Variants in MBD3 observed in about 807,000 individuals in gnomAD.
The protein encoded by MBD3 is methyl-CpG binding domain protein 3.
In MBD3, 13 loss-of-function variants were observed where a neutral mutation model predicts 31.2. The ratio of observed to expected loss-of-function variants is 0.42; its 90% CI spans 0.27 to 0.66. The LOEUF is 0.66. Among genes scored for constraint, MBD3 ranks in the 30% least tolerant of loss-of-function variants. MBD3 has a pLI of 0.26. For missense variants in MBD3, 440 were observed against 426.5 expected (o/e 1.03, Z -0.28); for synonymous variants, 223 against 187.4 (o/e 1.19, Z -1.55).
intron 2 of MBD3, 83 bp downstream of exon 2, chr19:1,584,972 G>T: frequency 6.4e-7 from 1 of 1,567,028 alleles, no homozygotes; most frequent in Non-Finnish European, 8.6e-7. Context: ...ACGCCGGGCT[G>T]TGTCGCCTGC....
chr19:1,580,457 G>A (rs554612422), intron 5 of MBD3, among the ~76,000 whole-genome samples: 6 of 152,232 alleles, frequency 3.9e-5, no homozygotes, highest in African/African-American at 1.2e-4. Flanking sequence ...TTCTGGAACC[G>A]TCAAGTTTCC....
chr19:1,584,989 C>A, intron 2 of MBD3, 66 bp downstream of exon 2: 1 of 1,591,124 alleles, frequency 6.3e-7, no homozygotes, highest in African/African-American at 1.3e-5. Context: ...CTGCAGCTCA[C>A]GTCATGGCCG....
rs572817144 is a variant in MBD3, at chr19:1,578,395, T to C, written c.821A>G (p.Asp274Gly). Residue 274 changes from aspartate to glycine, a missense_variant, in exon 6 of 7, where the codon GAC becomes GGC. Physicochemically the swap from Asp to Gly is moderately conservative, Grantham distance 94. Coordinates refer to ENST00000434436, the MANE Select transcript of MBD3 (RefSeq NM_001281453.2). The surrounding 1 kb of genome is among the most constrained non-coding windows in gnomAD (Gnocchi z 6.1). ...GGGCTCCTCCTCCTCCTCCTCCTCG[T>C]CTTCCTCGTCGTCGTCCTCAGCGCA... is the stretch of plus-strand genomic sequence containing the variant. The part of the protein sequence containing the change: ...KACAEDDDEE[D>G]EEEEEEEPDP... The C allele has an allele frequency of 4.4e-6, 7 of 1,604,098 alleles. No individual in the cohort carries two copies. Among genetic ancestry groups the C allele is most frequent in the East Asian group, 4.5e-5 (2 of 44,862 alleles).
rs1568276389 is a variant in MBD3 at position 1,585,127 on chromosome 19, C to CGT, written c.196_197dup (p.Gly67ArgfsTer5). 2.5e-6 allele frequency: 4 copies of CGT among 1,612,174 alleles called. No homozygotes were observed. ...TCATCTTGCTCATCAGCATCTTGCC[C>CGT]GTGCGGAAGTCGAAGGTGCTCAGGT... On this transcript the variant is annotated frameshift_variant, in exon 2 of 7. Coordinates refer to ENST00000434436, the MANE Select transcript of MBD3 (RefSeq NM_001281453.2). LOFTEE classifies it high-confidence loss of function. The surrounding 1 kb of genome is among the most constrained non-coding windows in gnomAD (Gnocchi z 4.1).
chr19:1,582,061 C>T (rs1490244740), intron 4 of MBD3, among the ~76,000 whole-genome samples: 1 of 152,154 alleles, frequency 6.6e-6, no homozygotes. Context: ...GCCACTGCAC[C>T]TGGCCTTGCT....
chr19:1,581,055 C>T (rs1343194004), intron 5 of MBD3, 37 bp downstream of exon 5: 2 of 1,613,214 alleles, frequency 1.2e-6, no homozygotes, highest in Non-Finnish European at 1.7e-6. Flanking sequence ...CCACAAGAGA[C>T]AGGGTGGAGC....
intron 3 of MBD3, 79 bp from the exon 4 acceptor site, chr19:1,582,791 GC>G: frequency 4.6e-6 from 6 of 1,290,928 alleles, no homozygotes; most frequent in Non-Finnish European, 6.6e-6. Context: ...CTCCAGGGAG[GC>G]CCACCTGGCC....
chr19:1,578,196 C>A lies in MBD3; in HGVS notation c.*6-38G>T. On this transcript the variant is annotated intron_variant, in intron 6 of 6. Coordinates refer to ENST00000434436, the MANE Select transcript of MBD3 (RefSeq NM_001281453.2). The surrounding 1 kb of genome is among the most constrained non-coding windows in gnomAD (Gnocchi z 6.1). The stretch of plus-strand genomic sequence containing the variant: ...GGGAGGGCTGGCTTTAGCGACTCCA[C>A]GGGACGGGGACGCTTGGGCTCTTCT... The A allele has an allele frequency of 3.0e-6, 4 of 1,352,220 alleles. No homozygotes were observed. The highest frequency in any genetic ancestry group is 2.6e-5 in the South Asian group (2 of 76,614). The allele number at this position is 1,352,220 out of a possible 1,614,324, so 83.8% of individuals were successfully genotyped here.
At position 1,574,780 on chromosome 19, in the gene MBD3, G is replaced by A. The variant is rs143733672; in HGVS notation, c.*3384C>T. On this transcript the variant is annotated 3_prime_UTR_variant, in exon 7 of 7. Transcript: ENST00000434436. Reference sequence around the variant, plus strand: ...TTCCATGGGCACCTCCGGGCTCCTGGAGATTTGCTGTGACAGCCATGAGGG... The same window carrying A: ...TTCCATGGGCACCTCCGGGCTCCTGAAGATTTGCTGTGACAGCCATGAGGG... The A allele has an allele frequency of 6.3e-6, 1 of 158,226 alleles. No homozygotes were observed. The highest frequency in any genetic ancestry group is 1.4e-5 in the Non-Finnish European group (1 of 71,240). 9.8% of individuals were successfully genotyped at this position (158,226 alleles called of 1,614,324 possible). A position where few individuals can be genotyped will look rare whatever the true frequency, so the allele number is the denominator to read the frequency against.
At chr19:1,591,918 G>C (rs1439722193) in intron 1 of MBD3, 1 of 152,082 alleles carries the variant, frequency 6.6e-6, no homozygotes, top group African/African-American at 2.4e-5. Flanking sequence ...GAAAGCCTCA[G>C]GTCTCCACCC....
chr19:1,585,564 C>CTACA lies in MBD3; in HGVS notation c.111-351_111-350insTGTA. On this transcript the variant is annotated intron_variant, in intron 1 of 6. Coordinates refer to ENST00000434436, the MANE Select transcript of MBD3 (RefSeq NM_001281453.2). The surrounding 1 kb of genome is among the most constrained non-coding windows in gnomAD (Gnocchi z 4.1). ...CCCCCAACCCCGGTCCCCTCTGAAT[C>CTACA]CTCCCCACCGTAGGCCCTGGCAGCG... The CTACA allele has an allele frequency of 2.9e-6, 1 of 339,428 alleles. No homozygotes were observed. Among genetic ancestry groups the CTACA allele is most frequent in the Non-Finnish European group, 5.6e-6 (1 of 178,080 alleles). 21.0% of individuals were successfully genotyped at this position (339,428 alleles called of 1,614,324 possible).
rs2145615982 is a variant in MBD3 at position 1,592,805 on chromosome 19, C to T, written c.-174G>A. The stretch of plus-strand genomic sequence containing the variant: ...AGCCGGGCGCGCGCCGGCTTTGCCG[C>T]CCTTTCGGCCCCCTCCCCGCGCTCG... On this transcript the variant is annotated 5_prime_UTR_variant, in exon 1 of 7. Transcript: ENST00000434436. 6.8e-6 allele frequency: 1 copy of T among 147,322 alleles called. No individual in the cohort carries two copies. Among genetic ancestry groups the T allele is most frequent in the Non-Finnish European group, 1.5e-5 (1 of 66,450 alleles). The allele number at this position is 147,322 out of a possible 1,614,324, so 9.1% of individuals were successfully genotyped here. A position where few individuals can be genotyped will look rare whatever the true frequency, so the allele number is the denominator to read the frequency against.
chr19:1,585,032 A>T lies in MBD3; in HGVS notation c.270+23T>A. ...GCCTAGAACGCCCCGCGCCGACGTC[A>T]CCTGCGTGACGCCACCACTCACCTT... On this transcript the variant is annotated intron_variant, in intron 2 of 6. Coordinates refer to ENST00000434436, the MANE Select transcript of MBD3 (RefSeq NM_001281453.2). The surrounding 1 kb of genome is among the most constrained non-coding windows in gnomAD (Gnocchi z 4.1). 6.2e-7 allele frequency: 1 copy of T among 1,609,356 alleles called. No individual in the cohort carries two copies. Among genetic ancestry groups the T allele is most frequent in the Non-Finnish European group, 8.5e-7 (1 of 1,179,142 alleles).
Position 1,578,516 on chromosome 19 carries a change from G to T in MBD3, c.700C>A (p.Gln234Lys). 1 of 1,612,382 alleles carries T rather than the reference G, an allele frequency of 6.2e-7. No homozygotes were observed. Residue 234 changes from glutamine (Q) to lysine (K), a missense_variant, in exon 6 of 7, where the codon CAG becomes AAG. This residue lies in a region of MBD3 where 117 missense variants were observed against 95.0 expected (regional missense o/e 1.23). Coordinates refer to ENST00000434436, the MANE Select transcript of MBD3 (RefSeq NM_001281453.2). The surrounding 1 kb of genome is among the most constrained non-coding windows in gnomAD (Gnocchi z 6.1). ...DIRKQEELVQQVRKRLEEALM... is the reference protein window; with the variant it reads ...DIRKQEELVQKVRKRLEEALM... ...GCCTCCTCCAGCCGCTTCCGCACCTGCTGCACCAGCTCTTCCTGCTTCCTG... is the reference window on the plus strand; with the variant it reads ...GCCTCCTCCAGCCGCTTCCGCACCTTCTGCACCAGCTCTTCCTGCTTCCTG...
Position 1,581,285 on chromosome 19 carries a change from C to A in MBD3, c.500-16G>T. On this transcript the variant is annotated splice_polypyrimidine_tract_variant and intron_variant, in intron 4 of 6. Transcript: ENST00000434436. ...GGTCCCACCCCTGCCAGGCAGTGGA[C>A]AAACAGCCGCAAGTGGAGAGGTCAC... 6.2e-7 allele frequency: 1 copy of A among 1,601,674 alleles called. No homozygotes were observed. The highest frequency in any genetic ancestry group is 8.5e-7 in the Non-Finnish European group (1 of 1,179,344).
In MBD3 at chr19:1,584,672, C is replaced by T. The variant is rs111228603; in HGVS notation, c.276G>A (p.Lys92=). 1.2e-3 allele frequency: 1,955 copies of T among 1,611,746 alleles called. 9 individuals carry two copies. The African/African-American group carries it at 0.014, about 11-fold the overall frequency. The change falls in exon 3 of 7, where the codon AAG becomes AAA. Residue 92 remains lysine, a synonymous_variant. Coordinates refer to ENST00000434436, the MANE Select transcript of MBD3 (RefSeq NM_001281453.2). ...RYDSSNQVKG[K]PDLNTALPVR... ...CGGGCAGCGCCGTGTTCAGGTCGGG[C>T]TTGCCCTGCGGGAGGAAGGATATGC... is the stretch of plus-strand genomic sequence containing the variant.
chr19:1,579,195 A>AAG (rs1219637060), intron 5 of MBD3, among the ~76,000 whole-genome samples: 1 of 147,998 alleles, frequency 6.8e-6, no homozygotes, highest in East Asian at 1.9e-4. Context: ...AAAAAAAAAA[A>AAG]AAAAAAAAAA....
chr19:1,581,285 C>G lies in MBD3; in HGVS notation c.500-16G>C. ...GGTCCCACCCCTGCCAGGCAGTGGA[C>G]AAACAGCCGCAAGTGGAGAGGTCAC... On this transcript the variant is annotated splice_polypyrimidine_tract_variant and intron_variant, in intron 4 of 6. Transcript: ENST00000434436. 2 of 1,601,674 alleles carry G rather than the reference C, an allele frequency of 1.2e-6. No homozygotes were observed. Among genetic ancestry groups the G allele is most frequent in the South Asian group, 2.2e-5 (2 of 90,820 alleles).
At chr19:1,589,174 A>G (rs544248699) in intron 1 of MBD3, among the ~76,000 whole-genome samples, 2 of 151,580 alleles carry the variant, frequency 1.3e-5, no homozygotes, top group South Asian at 4.2e-4. Context: ...TCGACTAAAA[A>G]TACAAAAGTA....
Sources: allele counts gnomAD v4.1 joint callset (sites outside exome capture counted in the v4.1 genomes callset), GRCh38; gene constraint gnomAD v4.1.1; regional missense constraint gnomAD v4.1.1; non-coding constraint Gnocchi (gnomAD v3.1); transcripts MANE v1.5; gene names NCBI Gene and HGNC (gene_info 2026-07-23, HGNC 2026-07-21).